SPEF2: variants seen among roughly 807,000 people sequenced by gnomAD.
SPEF2 encodes sperm flagellar and cilia associated 2.
A neutral mutation model predicts 224.6 loss-of-function variants in SPEF2; 187 were observed. That is an observed-to-expected ratio of 0.83 (90% CI 0.74 to 0.94). SPEF2 has a LOEUF of 0.94. Ranked by LOEUF, SPEF2 falls within the 40% of genes least tolerant of loss-of-function variation. The probability of loss-of-function intolerance (pLI) is 0.00; values close to 1 mark genes in which losing one functional copy is unlikely to be tolerated. For missense variants in SPEF2, 2,170 were observed against 2,135.6 expected (o/e 1.02, Z -0.32); for synonymous variants, 715 against 707.3 (o/e 1.01, Z -0.17).
intron 1 of SPEF2, among the ~76,000 whole-genome samples, chr5:35,622,188 C>A (rs752033017): frequency 2.6e-5 from 4 of 151,854 alleles, no homozygotes; most frequent in African/African-American, 2.4e-5. Context: ...AATGATTAAT[C>A]TTTTCGTTTT....
At position 35,771,705 on chromosome 5, in the gene SPEF2, A is replaced by G. The variant is rs762824124; in HGVS notation, c.3898A>G (p.Lys1300Glu). The G allele has an allele frequency of 6.2e-7, 1 of 1,602,490 alleles. No homozygotes were observed. Among genetic ancestry groups the G allele is most frequent in the Non-Finnish European group, 8.5e-7 (1 of 1,177,318 alleles). Reference protein sequence around the residue: ...EKSPQMGANKKVKKEPPKKKQ... With the variant: ...EKSPQMGANKEVKKEPPKKKQ... ...ATCTCCTCAGATGGGTGCAAATAAA[A>G]AAGTCAAAAAGGAGCCACCCAAGAA... The change falls in exon 27 of 37, where the codon AAA becomes GAA. Residue 1300 changes from lysine (K) to glutamate (E), a missense_variant. Coordinates refer to ENST00000356031, the MANE Select transcript of SPEF2 (RefSeq NM_024867.4).
intron 19 of SPEF2, chr5:35,709,344 A>G: frequency 7.4e-7 from 1 of 1,360,496 alleles, no homozygotes; most frequent in South Asian, 1.7e-5. Context: ...TGGAGTCATC[A>G]CACCTAGGTC....
In SPEF2 at chr5:35,644,534, G is replaced by A. The variant is rs1439497827; in HGVS notation, c.585+9G>A. ...GTTTTGATATTGAAAAGGTTCTATA[G>A]AACTATTTTTTCAGAAATTCATTAG... On this transcript the variant is annotated intron_variant, in intron 4 of 36. Coordinates refer to ENST00000356031, the MANE Select transcript of SPEF2 (RefSeq NM_024867.4). 4.4e-6 allele frequency: 7 copies of A among 1,580,482 alleles called. No homozygotes were observed. Among genetic ancestry groups the A allele is most frequent in the Non-Finnish European group, 6.0e-6 (7 of 1,166,368 alleles).
At chr5:35,756,855 TTTTCTATTTCTA>T (rs543738292) in intron 24 of SPEF2, among the ~76,000 whole-genome samples, 1 of 152,098 alleles carries the variant, frequency 6.6e-6, no homozygotes, top group Non-Finnish European at 1.5e-5. Context: ...AGGAAATCCT[TTTTCTATTTCTA>T]TTTCTATTTC....
chr5:35,667,820 TAAA>T (rs1750711973), intron 9 of SPEF2, among the ~76,000 whole-genome samples: 1 of 151,904 alleles, frequency 6.6e-6, no homozygotes, highest in African/African-American at 2.4e-5. Context: ...AATTCAACAA[TAAA>T]AAATAAGCCA....
chr5:35,773,790 T>G (rs1753218733), intron 27 of SPEF2, 103 bp from the exon 28 acceptor site: 5 of 1,349,210 alleles, frequency 3.7e-6, no homozygotes, highest in Non-Finnish European at 4.9e-6. Context: ...TCACTAGAGG[T>G]TTATAGCTTA....
intron 20 of SPEF2, among the ~76,000 whole-genome samples, chr5:35,714,685 T>TTTAG (rs1554039998): frequency 1.5e-5 from 2 of 133,906 alleles, no homozygotes; most frequent in South Asian, 4.4e-4. Context: ...TTTATTTTTA[T>TTTAG]TTATTTATTT....
chr5:35,655,205 G>T (rs1017133167), intron 7 of SPEF2, among the ~76,000 whole-genome samples: 7 of 152,136 alleles, frequency 4.6e-5, no homozygotes, highest in African/African-American at 1.7e-4. Flanking sequence ...GGACTTTTAG[G>T]AATACAGATT....
In SPEF2 at chr5:35,763,502, T is replaced by G; in HGVS notation, c.3621-20T>G. On this transcript the variant is annotated intron_variant, in intron 25 of 36. Coordinates refer to ENST00000356031, the MANE Select transcript of SPEF2 (RefSeq NM_024867.4). ...GTTAAGCAAAATTTTTTATCCTTTTTGCTTGTTTGTTTCTCAAAGAATTCC... is the reference window on the plus strand; with the variant it reads ...GTTAAGCAAAATTTTTTATCCTTTTGGCTTGTTTGTTTCTCAAAGAATTCC... The G allele has an allele frequency of 6.5e-7, 1 of 1,529,336 alleles. No homozygotes were observed. Among genetic ancestry groups the G allele is most frequent in the Non-Finnish European group, 8.8e-7 (1 of 1,142,038 alleles). The allele number at this position is 1,529,336 out of a possible 1,614,324, so 94.7% of individuals were successfully genotyped here.
intron 3 of SPEF2, chr5:35,643,585 G>A: frequency 2.2e-6 from 1 of 455,306 alleles, no homozygotes; most frequent in South Asian, 1.6e-5. Flanking sequence ...ATGGAAAGAG[G>A]CCCTCTGGGG....
chr5:35,751,038 CATATGTAT>C (rs1749423194), intron 23 of SPEF2, among the ~76,000 whole-genome samples: 8 of 27,212 alleles, frequency 2.9e-4, no homozygotes, highest in East Asian at 1.1e-3. Context: ...TATATATACA[CATATGTAT>C]ATATATATAC....
In SPEF2 at chr5:35,681,253, C is replaced by A. The variant is rs116073943; in HGVS notation, c.1525-9784C>A. On this transcript the variant is annotated intron_variant, in intron 10 of 36. Transcript: ENST00000356031. ...GTACAAAATACAGTTTTCCAAAGTG[C>A]TAGAAAATAAGTAACTGATAACTAA... 5.4e-3 allele frequency among the ~76,000 whole-genome samples: 817 copies of A among 152,108 alleles called. 9 individuals carry two copies. Among genetic ancestry groups the A allele is most frequent in the Middle Eastern group, 0.017 (5 of 294 alleles).
intron 5 of SPEF2, 107 bp from the exon 6 acceptor site, chr5:35,649,254 C>A: frequency 2.2e-6 from 2 of 892,624 alleles, no homozygotes; most frequent in Non-Finnish European, 1.7e-6. Flanking sequence ...ATCCTAATTA[C>A]CTTGAATTAG....
At chr5:35,627,337 C>T (rs999283259) in intron 1 of SPEF2, among the ~76,000 whole-genome samples, 6 of 152,044 alleles carry the variant, frequency 3.9e-5, no homozygotes, top group Non-Finnish European at 8.8e-5. Context: ...CACGGTGGCT[C>T]ATGCCTGTAA....
chr5:35,781,261 T>A (rs910571838), intron 30 of SPEF2: 2 of 152,154 alleles, frequency 1.3e-5, no homozygotes, highest in Admixed American at 6.5e-5. Flanking sequence ...AACAACTATT[T>A]GAGTTCTTTC....
At chr5:35,760,835 G>A (rs1392638383) in intron 25 of SPEF2, among the ~76,000 whole-genome samples, 2 of 151,950 alleles carry the variant, frequency 1.3e-5, no homozygotes, top group African/African-American at 4.8e-5. Flanking sequence ...AGAGCTAAAA[G>A]TAAGAATTAA....
intron 30 of SPEF2, among the ~76,000 whole-genome samples, chr5:35,780,273 G>A (rs888642137): frequency 6.6e-6 from 1 of 152,154 alleles, no homozygotes; most frequent in Admixed American, 6.5e-5. Context: ...AAAAAGTCCA[G>A]TATTTCCAGA....
At chr5:35,694,711 G>A (rs757306453) in intron 13 of SPEF2, among the ~76,000 whole-genome samples, 45 of 152,178 alleles carry the variant, frequency 3.0e-4, no homozygotes, top group Non-Finnish European at 2.2e-4. Flanking sequence ...GGGTATATGA[G>A]TACAATTGGG....
At chr5:35,790,387 A>T (rs1755787985) in intron 30 of SPEF2, 2 of 496,680 alleles carry the variant, frequency 4.0e-6, no homozygotes, top group South Asian at 7.6e-5. Context: ...GCAAATGTTG[A>T]CATTTTTGTT....
Sources: gnomAD v4.1 joint callset for allele counts (sites outside exome capture counted in the v4.1 genomes callset) on GRCh38, gnomAD v4.1.1 for gene constraint, MANE v1.5 for transcripts, NCBI Gene and HGNC (gene_info 2026-07-23, HGNC 2026-07-21) for gene names.